The following INPP5B variants were observed in gnomAD, a reference collection of about 807,000 sequenced individuals.
INPP5B encodes the protein inositol polyphosphate-5-phosphatase B, also known as type II inositol 1,4,5-trisphosphate 5-phosphatase.
INPP5B carries 90 observed loss-of-function variants against 118.5 expected under a neutral mutation model. The observed-to-expected ratio is 0.76, with a 90% confidence interval of 0.64 to 0.90. INPP5B has a LOEUF of 0.90. Ranked by LOEUF, INPP5B falls within the 40% of genes least tolerant of loss-of-function variation. The probability of loss-of-function intolerance (pLI) is 0.00; values close to 1 mark genes in which losing one functional copy is unlikely to be tolerated. For synonymous variants in INPP5B, 385 were observed against 418.9 expected (o/e 0.92, Z 0.99); for missense variants, 984 against 1,125.6 (o/e 0.87, Z 1.80).
intron 7 of INPP5B, among the ~76,000 whole-genome samples, chr1:37,894,623 G>A (rs576065483): frequency 2.0e-5 from 3 of 149,578 alleles, no homozygotes; most frequent in South Asian, 2.1e-4. Context: ...GTGCAGTGGC[G>A]CAAGCTTGGC....
chr1:37,921,023 G>A (rs527450479), intron 7 of INPP5B, among the ~76,000 whole-genome samples: 37 of 151,808 alleles, frequency 2.4e-4, no homozygotes, highest in African/African-American at 8.2e-4. Context: ...GGAGAATGGC[G>A]TGAACACGGG....
rs34526336 is a variant in INPP5B at position 37,899,177 on chromosome 1, C to CAAAA, written c.533-7727_533-7724dup. ...GCCTGGGCAACAAGAGTGAAACTGTCAAAAAAAAAAAAAAAAAGACTAAAG... is the reference window on the plus strand; with the variant it reads ...GCCTGGGCAACAAGAGTGAAACTGTCAAAAAAAAAAAAAAAAAAAAAGACTAAAG... On this transcript the variant is annotated intron_variant, in intron 7 of 23. Coordinates refer to ENST00000373024, the MANE Select transcript of INPP5B (RefSeq NM_005540.3). Among the ~76,000 whole-genome samples, 401 of 117,072 alleles carry CAAAA rather than the reference C, an allele frequency of 3.4e-3. 2 individuals are homozygous for CAAAA. The highest frequency in any genetic ancestry group is 0.013 in the African/African-American group (380 of 29,966). 76.8% of individuals were successfully genotyped at this position (117,072 alleles called of 152,430 possible).
intron 15 of INPP5B, chr1:37,878,543 TC>T: frequency 1.0e-6 from 1 of 958,012 alleles, no homozygotes; most frequent in South Asian, 4.8e-5. Context: ...AAAACAGAGT[TC>T]AGACTGATTC....
chr1:37,932,165 T>G (rs1345163687), intron 6 of INPP5B, 112 bp from the exon 7 acceptor site: 39 of 914,662 alleles, frequency 4.3e-5, no homozygotes, highest in Non-Finnish European at 3.0e-6. Context: ...ACAGAAGGGT[T>G]CTGTGCGCAC....
At position 37,946,744 on chromosome 1, in the gene INPP5B, C is replaced by T. The variant is rs191487337; in HGVS notation, c.-27+246G>A. On this transcript the variant is annotated intron_variant, in intron 1 of 23. Transcript: ENST00000373024. ...TCTCTGGGAGGTGTCAGTGGTGTGTCCATGTGGGGTTCAGGGAACATCCCC... is the reference window on the plus strand; with the variant it reads ...TCTCTGGGAGGTGTCAGTGGTGTGTTCATGTGGGGTTCAGGGAACATCCCC... Among the ~76,000 whole-genome samples the T allele has an allele frequency of 5.9e-3, 899 of 152,190 alleles. 6 individuals carry two copies. The highest frequency in any genetic ancestry group is 8.3e-3 in the Non-Finnish European group (566 of 67,986).
At position 37,889,547 on chromosome 1, in the gene INPP5B, A is replaced by G; in HGVS notation, c.797+10T>C. The G allele has an allele frequency of 3.7e-6, 6 of 1,605,682 alleles. No homozygotes were observed. The highest frequency in any genetic ancestry group is 4.3e-6 in the Non-Finnish European group (5 of 1,176,110). ...CTGCTCTGAAAACATCCTAGAACCC[A>G]GTTAGCTACCTGAAGTTCTGGATAT... On this transcript the variant is annotated intron_variant, in intron 9 of 23. Transcript: ENST00000373024.
intron 7 of INPP5B, among the ~76,000 whole-genome samples, chr1:37,894,561 CTTTTT>C (rs759895009): frequency 9.4e-5 from 13 of 139,010 alleles, no homozygotes; most frequent in Admixed American, 1.4e-4. Context: ...TTTCTTTTTT[CTTTTT>C]TTTTTTTTTT....
At chr1:37,937,844 T>G (rs1021700861) in intron 6 of INPP5B, among the ~76,000 whole-genome samples, 3 of 151,646 alleles carry the variant, frequency 2.0e-5, no homozygotes, top group African/African-American at 7.3e-5. Flanking sequence ...GGCAGGTGCC[T>G]GTAATCCTAG....
At chr1:37,915,611 A>G (rs1644836485) in intron 7 of INPP5B, among the ~76,000 whole-genome samples, 1 of 152,238 alleles carries the variant, frequency 6.6e-6, no homozygotes, top group African/African-American at 2.4e-5. Flanking sequence ...GTCTGTGTGC[A>G]TAGATACCAC....
chr1:37,898,226 CTA>C (rs1041455323), intron 7 of INPP5B, among the ~76,000 whole-genome samples: 2 of 152,056 alleles, frequency 1.3e-5, no homozygotes, highest in African/African-American at 4.8e-5. Context: ...TAAGACAAAA[CTA>C]TAGAGACGGT....
In INPP5B at chr1:37,862,068, G is replaced by T. The variant is rs947662473; in HGVS notation, c.*247C>A. The T allele has an allele frequency of 5.2e-5, 22 of 425,620 alleles. 1 individual carries two copies. The South Asian group carries it at 9.9e-4, about 19-fold the overall frequency. The allele number at this position is 425,620 out of a possible 1,614,324, so 26.4% of individuals were successfully genotyped here. ...AAAAAAATAAAAAATAAAAAAATCT[G>T]TGTTAAATAACTAAAGTTGAAAATT... On this transcript the variant is annotated 3_prime_UTR_variant, in exon 24 of 24. Coordinates refer to ENST00000373024, the MANE Select transcript of INPP5B (RefSeq NM_005540.3).
Position 37,889,673 on chromosome 1 carries a change from G to C in INPP5B, c.681C>G (p.Ile227Met), listed in dbSNP as rs367873065. The change falls in exon 9 of 24, where the codon ATC (isoleucine) becomes ATG (methionine). Residue 227 changes from isoleucine to methionine, a missense_variant. Transcript: ENST00000373024. ...AAATATGAGCCTTGTCCGACACTGT[G>C]ATAGTGGAGGAGCGAACCATGTCAG... is the stretch of plus-strand genomic sequence containing the variant. ...EITDMVRSST[I>M]TVSDKAHILS... 44 of 1,613,618 alleles carry C rather than the reference G, an allele frequency of 2.7e-5. No individual in the cohort carries two copies. The highest frequency in any genetic ancestry group is 3.6e-5 in the Non-Finnish European group (42 of 1,179,742).
chr1:37,940,004 C>T (rs1175195591), intron 6 of INPP5B, among the ~76,000 whole-genome samples: 1 of 152,176 alleles, frequency 6.6e-6, no homozygotes, highest in African/African-American at 2.4e-5. Context: ...CCTGGAGGCT[C>T]AGGCTCCACA....
intron 7 of INPP5B, among the ~76,000 whole-genome samples, chr1:37,921,224 TAAC>T (rs1297434170): frequency 6.6e-6 from 1 of 152,194 alleles, no homozygotes; most frequent in Non-Finnish European, 1.5e-5. Flanking sequence ...CTAATAATGA[TAAC>T]AACAGTAGTA....
chr1:37,926,168 T>C (rs1645220030), intron 7 of INPP5B, among the ~76,000 whole-genome samples: 1 of 152,236 alleles, frequency 6.6e-6, no homozygotes, highest in South Asian at 2.1e-4. Context: ...TATGTTACCC[T>C]GAGATATAAA....
At chr1:37,875,769 T>A in intron 16 of INPP5B, 53 bp from the exon 17 acceptor site, 1 of 1,332,112 alleles carries the variant, frequency 7.5e-7, no homozygotes, top group Non-Finnish European at 1.1e-6. Context: ...CATTTCCTCT[T>A]TCTCAGTATA....
At chr1:37,876,014 C>G (rs1642777012) in intron 16 of INPP5B, among the ~76,000 whole-genome samples, 1 of 152,032 alleles carries the variant, frequency 6.6e-6, no homozygotes, top group South Asian at 2.1e-4. Context: ...AATGCTTGCC[C>G]AGTACCTAGC....
chr1:37,887,284 G>T, intron 11 of INPP5B, 67 bp downstream of exon 11: 1 of 1,004,596 alleles, frequency 1.0e-6, no homozygotes, highest in Non-Finnish European at 1.5e-6. Flanking sequence ...TGGAAAAGGT[G>T]AAAAATGATC....
At chr1:37,878,091 A>G in intron 16 of INPP5B, 97 bp downstream of exon 16, 1 of 1,421,786 alleles carries the variant, frequency 7.0e-7, no homozygotes, top group Non-Finnish European at 9.6e-7. Flanking sequence ...CTTCCCTCTC[A>G]AAAGGAGAGG....
Sources: gnomAD v4.1 joint callset for allele counts (sites outside exome capture counted in the v4.1 genomes callset) on GRCh38, gnomAD v4.1.1 for gene constraint, MANE v1.5 for transcripts, NCBI Gene and HGNC (gene_info 2026-07-23, HGNC 2026-07-21) for gene names.